Variants in ARHGAP32 observed in about 807,000 individuals in gnomAD.
ARHGAP32 encodes rho GTPase-activating protein 32.
ARHGAP32 carries 51 observed loss-of-function variants against 186.5 expected under a neutral mutation model. That is an observed-to-expected ratio of 0.27 (90% CI 0.22 to 0.35). The LOEUF is 0.35. Among genes scored for constraint, ARHGAP32 ranks in the 10% least tolerant of loss-of-function variants. The pLI, the probability that ARHGAP32 is intolerant of heterozygous loss-of-function variation, is 1.00. For missense variants in ARHGAP32, 2,186 were observed against 2,623.5 expected, an observed-to-expected ratio of 0.83 and a Z score of 3.64; for synonymous variants, 950 against 964.3, an observed-to-expected ratio of 0.99 and a Z score of 0.27.
intron 1 of ARHGAP32, among the ~76,000 whole-genome samples, chr11:129,273,674 A>ACCTAT (rs1945497637): frequency 6.6e-6 from 1 of 152,112 alleles, no homozygotes; most frequent in African/African-American, 2.4e-5. Context: ...TCCTTCAACC[A>ACCTAT]CCTATATTTC....
intron 1 of ARHGAP32, among the ~76,000 whole-genome samples, chr11:129,221,567 G>A (rs918863144): frequency 1.3e-5 from 2 of 149,414 alleles, no homozygotes; most frequent in East Asian, 2.0e-4. Context: ...GCAGAGATGA[G>A]TGGAACCAAT....
At chr11:129,259,762 G>A (rs1211207665) in intron 1 of ARHGAP32, among the ~76,000 whole-genome samples, 1 of 152,168 alleles carries the variant, frequency 6.6e-6, no homozygotes, top group Non-Finnish European at 1.5e-5. Context: ...AGTGGAGACA[G>A]TATTTTTAAT....
chr11:129,002,610 A>G (rs923924208), intron 11 of ARHGAP32, among the ~76,000 whole-genome samples: 3 of 152,184 alleles, frequency 2.0e-5, no homozygotes, highest in African/African-American at 7.2e-5. Context: ...TGCTCTAGCC[A>G]GAACTTCCAA....
At chr11:129,093,735 G>A in intron 5 of ARHGAP32, 28 bp from the exon 6 acceptor site, 1 of 1,480,532 alleles carries the variant, frequency 6.8e-7, no homozygotes, top group Non-Finnish European at 9.3e-7. Context: ...AAGAAGAGGG[G>A]GAAAGAAAGT....
At chr11:129,129,227 C>CGTCTGGGAAGTGAGGAGCCCCTCCACT (rs1942747088) in intron 2 of ARHGAP32, among the ~76,000 whole-genome samples, 3 of 140,850 alleles carry the variant, frequency 2.1e-5, no homozygotes, top group African/African-American at 7.8e-5. Context: ...GCCCCTCCAC[C>CGTCTGGGAAGTGAGGAGCCCCTCCACT]CGGCAGCTGC....
At chr11:129,071,156 T>C (rs1940855019) in intron 6 of ARHGAP32, among the ~76,000 whole-genome samples, 1 of 151,978 alleles carries the variant, frequency 6.6e-6, no homozygotes, top group African/African-American at 2.4e-5. Context: ...ATTAAATGGT[T>C]TATTACACAA....
chr11:129,183,158 T>C (rs1459079538), intron 1 of ARHGAP32, among the ~76,000 whole-genome samples: 1 of 152,116 alleles, frequency 6.6e-6, no homozygotes, highest in African/African-American at 2.4e-5. Flanking sequence ...AACGTGGGTA[T>C]ATTTTCTAGG....
chr11:129,064,833 G>A lies in ARHGAP32; in HGVS notation c.762+8C>T, dbSNP rs1039554873. On this transcript the variant is annotated splice_region_variant and intron_variant, in intron 8 of 22. Coordinates refer to ENST00000682385, the MANE Select transcript of ARHGAP32 (RefSeq NM_001378024.1). ...TACATTTTTCATGAAAAGTGAATTA[G>A]GAAATACCTCCATCCAGGTAAGGGC... is the stretch of plus-strand genomic sequence containing the variant. 4.3e-5 allele frequency: 68 copies of A among 1,572,132 alleles called. No individual in the cohort carries two copies. Among genetic ancestry groups the A allele is most frequent in the Non-Finnish European group, 5.4e-5 (63 of 1,157,678 alleles).
At chr11:129,185,196 C>A (rs1279888021) in intron 1 of ARHGAP32, among the ~76,000 whole-genome samples, 1 of 152,150 alleles carries the variant, frequency 6.6e-6, no homozygotes. Flanking sequence ...AGACTTGGAA[C>A]CAACCCAAAT....
chr11:129,275,638 C>T (rs1357484056), intron 1 of ARHGAP32, among the ~76,000 whole-genome samples: 1 of 152,208 alleles, frequency 6.6e-6, no homozygotes, highest in Non-Finnish European at 1.5e-5. Context: ...ACTTGAGGCT[C>T]TGCAGGCCGA....
At chr11:129,037,097 C>T (rs896695700) in intron 11 of ARHGAP32, among the ~76,000 whole-genome samples, 13 of 151,950 alleles carry the variant, frequency 8.6e-5, no homozygotes, top group African/African-American at 1.9e-4. Context: ...TTAAAATTCC[C>T]GGTACAATAG....
chr11:129,066,866 TC>T lies in ARHGAP32; in HGVS notation c.533del (p.Gly178GlufsTer41), dbSNP rs1940711102. On this transcript the variant is annotated frameshift_variant and splice_region_variant, in exon 7 of 23. Coordinates refer to ENST00000682385, the MANE Select transcript of ARHGAP32 (RefSeq NM_001378024.1). LOFTEE classifies it high-confidence loss of function. ...LVYLVQIACQ[G>X]KSWIVKRSYE... ...AACTTCTTTTAACAATCCAACTTTT[TC>T]CCTATTGGTAGAAAAAAGAAACTCA... 1 of 1,599,270 alleles carries T rather than the reference TC, an allele frequency of 6.3e-7. No homozygotes were observed.
At chr11:129,135,129 A>G (rs546610632) in intron 2 of ARHGAP32, among the ~76,000 whole-genome samples, 1 of 152,332 alleles carries the variant, frequency 6.6e-6, no homozygotes, top group African/African-American at 2.4e-5. Context: ...CAAGGCATCA[A>G]TTCTTCCCCA....
At chr11:128,997,866 C>T (rs562868107) in intron 12 of ARHGAP32, among the ~76,000 whole-genome samples, 6 of 152,196 alleles carry the variant, frequency 3.9e-5, no homozygotes, top group Admixed American at 1.3e-4. Flanking sequence ...TGCACTCCAG[C>T]GTGGGCAACA....
chr11:128,987,797 G>A (rs898551332), intron 13 of ARHGAP32, among the ~76,000 whole-genome samples: 2 of 152,008 alleles, frequency 1.3e-5, no homozygotes, highest in East Asian at 1.9e-4. Context: ...CTATAAAGAG[G>A]CAAAATACAA....
chr11:129,250,283 T>C (rs984714504), intron 1 of ARHGAP32, among the ~76,000 whole-genome samples: 3 of 152,156 alleles, frequency 2.0e-5, no homozygotes, highest in African/African-American at 7.2e-5. Flanking sequence ...CTGATAAACA[T>C]GTGTTAAGAG....
At chr11:129,014,120 TACA>T (rs2134845879) in intron 11 of ARHGAP32, among the ~76,000 whole-genome samples, 1 of 152,326 alleles carries the variant, frequency 6.6e-6, no homozygotes, top group South Asian at 2.1e-4. Context: ...AGAGCTAAAA[TACA>T]ACATGTGCCA....
rs150683202 is a variant in ARHGAP32, at chr11:129,198,446, T to A, written c.-4-34019A>T. 1.5e-3 allele frequency among the ~76,000 whole-genome samples: 226 copies of A among 152,304 alleles called. 1 individual carries two copies. The highest frequency in any genetic ancestry group is 5.3e-3 in the African/African-American group (220 of 41,564). On this transcript the variant is annotated intron_variant, in intron 1 of 6. Transcript: ENST00000525234. Reference sequence around the variant, plus strand: ...CCCATGTGTGGTGGGAAGGACCTGGTAGGAGACAACTGAATCATGGGGGTG... The same window carrying A: ...CCCATGTGTGGTGGGAAGGACCTGGAAGGAGACAACTGAATCATGGGGGTG...
chr11:128,981,956 T>A lies in ARHGAP32; in HGVS notation c.1527-20A>T, dbSNP rs200381917. ...AGTGTTCTGGAAATAAAATACAACA[T>A]ATTAACAGAAAGAAACATGATGCAG... On this transcript the variant is annotated intron_variant, in intron 15 of 22. Coordinates refer to ENST00000682385, the MANE Select transcript of ARHGAP32 (RefSeq NM_001378024.1). The A allele has an allele frequency of 1.4e-6, 2 of 1,453,710 alleles. No individual in the cohort carries two copies. The highest frequency in any genetic ancestry group is 2.8e-5 in the African/African-American group (2 of 70,844). The allele number at this position is 1,453,710 out of a possible 1,614,324, so 90.1% of individuals were successfully genotyped here.
Sources: allele counts gnomAD v4.1 joint callset (sites outside exome capture counted in the v4.1 genomes callset), GRCh38; gene constraint gnomAD v4.1.1; transcripts MANE v1.5; gene names NCBI Gene and HGNC (gene_info 2026-07-23, HGNC 2026-07-21).